NLGN1: variants seen among roughly 807,000 people sequenced by gnomAD.
NLGN1 encodes neuroligin 1.
NLGN1 carries 12 observed loss-of-function variants against 65.5 expected under a neutral mutation model. The ratio of observed to expected loss-of-function variants is 0.18; its 90% CI spans 0.12 to 0.30. The LOEUF is 0.30. Ranked by LOEUF, NLGN1 falls within the 10% of genes least tolerant of loss-of-function variation. The probability of loss-of-function intolerance (pLI) is 1.00; values close to 1 mark genes in which losing one functional copy is unlikely to be tolerated. For missense variants in NLGN1, 750 were observed against 1,007.1 expected, an observed-to-expected ratio of 0.74 and a Z score of 3.46; for synonymous variants, 350 against 359.5, an observed-to-expected ratio of 0.97 and a Z score of 0.30.
intron 3 of NLGN1, among the ~76,000 whole-genome samples, chr3:173,618,126 T>C (rs1231651329): frequency 1.3e-5 from 2 of 152,162 alleles, no homozygotes; most frequent in Non-Finnish European, 2.9e-5. Flanking sequence ...TCATTCCTTA[T>C]GATTTGGCCT....
chr3:173,776,330 A>G (rs1780293349), intron 3 of NLGN1, among the ~76,000 whole-genome samples: 1 of 152,098 alleles, frequency 6.6e-6, no homozygotes, highest in South Asian at 2.1e-4. Context: ...ATTAATCTGG[A>G]TTCTATGAAG....
chr3:174,205,811 A>G (rs868118982), intron 4 of NLGN1, among the ~76,000 whole-genome samples: 54 of 152,200 alleles, frequency 3.5e-4, no homozygotes, highest in Admixed American at 3.5e-3. Context: ...TGTTTCCACA[A>G]TATATACTAG....
chr3:173,553,920 G>C (rs1305982207), intron 2 of NLGN1, among the ~76,000 whole-genome samples: 2 of 152,062 alleles, frequency 1.3e-5, no homozygotes, highest in Admixed American at 6.6e-5. Flanking sequence ...TTTTCCCCCT[G>C]GGAATAATAG....
chr3:174,028,148 G>A (rs1480715970), intron 4 of NLGN1, among the ~76,000 whole-genome samples: 2 of 152,132 alleles, frequency 1.3e-5, no homozygotes, highest in Admixed American at 1.3e-4. Flanking sequence ...AAAGAGTACA[G>A]ACTAATACAG....
intron 3 of NLGN1, among the ~76,000 whole-genome samples, chr3:173,643,648 A>G (rs1757752754): frequency 6.6e-6 from 1 of 152,306 alleles, no homozygotes; most frequent in Middle Eastern, 3.4e-3. Flanking sequence ...TTAGTGTGAA[A>G]GTTACTGAGC....
chr3:173,488,836 A>C (rs1441494754), intron 2 of NLGN1, among the ~76,000 whole-genome samples: 1 of 150,214 alleles, frequency 6.7e-6, no homozygotes, highest in Non-Finnish European at 1.5e-5. Flanking sequence ...TTCTTTCAAA[A>C]TTTTTTCCTT....
At chr3:173,985,392 T>C (rs992610029) in intron 4 of NLGN1, among the ~76,000 whole-genome samples, 1 of 152,142 alleles carries the variant, frequency 6.6e-6, no homozygotes, top group African/African-American at 2.4e-5. Context: ...TCAAAAGCTA[T>C]GCAAATTCTA....
intron 1 of NLGN1, among the ~76,000 whole-genome samples, chr3:173,421,982 T>A (rs1577376792): frequency 6.6e-6 from 1 of 152,164 alleles, no homozygotes; most frequent in Non-Finnish European, 1.5e-5. Context: ...TTGATACATA[T>A]ATACAATGTT....
chr3:173,884,655 G>C (rs540354920), intron 4 of NLGN1, among the ~76,000 whole-genome samples: 12 of 151,988 alleles, frequency 7.9e-5, no homozygotes, highest in Non-Finnish European at 1.6e-4. Flanking sequence ...TAGGACTCTA[G>C]ACTTTATTTA....
chr3:174,076,722 AGAGTGTGTGTGTGTGTGTGTGT>A (rs1741062085), intron 4 of NLGN1, among the ~76,000 whole-genome samples: 1 of 102,894 alleles, frequency 9.7e-6, no homozygotes, highest in Non-Finnish European at 1.9e-5. Context: ...AGAGAGAGAG[AGAGTGTGTGTGTGTGTGTGTGT>A]GTGTGTGTGT....
At chr3:173,827,745 A>C (rs535651738) in intron 4 of NLGN1, among the ~76,000 whole-genome samples, 1 of 151,976 alleles carries the variant, frequency 6.6e-6, no homozygotes, top group East Asian at 2.0e-4. Flanking sequence ...TTCCATCTGC[A>C]AGCTGGAGAA....
At chr3:173,513,224 A>AT (rs34706813) in intron 2 of NLGN1, among the ~76,000 whole-genome samples, 80,647 of 151,550 alleles carry the variant, frequency 0.53, 21,957 homozygotes, top group East Asian at 0.82. Context: ...TGAAAATGAG[A>AT]TTTTTTTTTC....
At chr3:173,451,217 G>A (rs567325643) in intron 2 of NLGN1, among the ~76,000 whole-genome samples, 30 of 152,124 alleles carry the variant, frequency 2.0e-4, no homozygotes, top group East Asian at 1.2e-3. Flanking sequence ...TTTGATGATC[G>A]TGACGTACAG....
At chr3:173,973,413 T>C (rs896381166) in intron 4 of NLGN1, among the ~76,000 whole-genome samples, 3 of 152,058 alleles carry the variant, frequency 2.0e-5, no homozygotes, top group Admixed American at 6.6e-5. Context: ...TTTTGATGAA[T>C]GAAATGGAGG....
intron 4 of NLGN1, among the ~76,000 whole-genome samples, chr3:174,107,406 C>T (rs188180802): frequency 3.3e-4 from 50 of 152,124 alleles, no homozygotes; most frequent in East Asian, 2.5e-3. Flanking sequence ...GACTTATGCC[C>T]GGCATTTTTC....
chr3:174,217,593 T>G (rs1297884277), intron 4 of NLGN1, among the ~76,000 whole-genome samples: 1 of 151,986 alleles, frequency 6.6e-6, no homozygotes, highest in African/African-American at 2.4e-5. Context: ...AGAGCTCTAA[T>G]CCCCTTCACG....
At chr3:173,422,907 C>T (rs939414502) in intron 1 of NLGN1, among the ~76,000 whole-genome samples, 1 of 152,072 alleles carries the variant, frequency 6.6e-6, no homozygotes, top group African/African-American at 2.4e-5. Context: ...TGTATTAGTC[C>T]ATTCTCACAC....
chr3:173,970,318 G>C (rs560480527), intron 4 of NLGN1, among the ~76,000 whole-genome samples: 1 of 152,234 alleles, frequency 6.6e-6, no homozygotes, highest in African/African-American at 2.4e-5. Flanking sequence ...TACAGGGTGC[G>C]TTGTGAAAAC....
At chr3:174,261,800 G>C (rs1746966750) in intron 4 of NLGN1, among the ~76,000 whole-genome samples, 1 of 149,068 alleles carries the variant, frequency 6.7e-6, no homozygotes, top group South Asian at 2.1e-4. Flanking sequence ...TGCCCATTCA[G>C]TATGATATTG....
Sources: gnomAD v4.1 joint callset for allele counts (sites outside exome capture counted in the v4.1 genomes callset) on GRCh38, gnomAD v4.1.1 for gene constraint, MANE v1.5 for transcripts, NCBI Gene and HGNC (gene_info 2026-07-23, HGNC 2026-07-21) for gene names.